IRAK1BP1: variants seen among roughly 807,000 people sequenced by gnomAD.
IRAK1BP1 encodes interleukin 1 receptor associated kinase 1 binding protein 1, also known as interleukin-1 receptor-associated kinase 1-binding protein 1.
In IRAK1BP1, 24 loss-of-function variants were observed where a neutral mutation model predicts 28.0. That is an observed-to-expected ratio of 0.86 (90% confidence interval 0.62 to 1.20). The LOEUF is 1.20. IRAK1BP1 is among the 50% of genes most tolerant of loss of function. The probability of loss-of-function intolerance (pLI) is 0.00; values close to 1 mark genes in which losing one functional copy is unlikely to be tolerated. For synonymous variants in IRAK1BP1, 131 were observed against 116.3 expected (o/e 1.13, Z -0.81); for missense variants, 336 against 316.7 (o/e 1.06, Z -0.46).
chr6:78,957,025 T>C, the IRAK1BP1 span: 2 of 152,040 alleles, frequency 1.3e-5, no homozygotes, highest in African/African-American at 4.8e-5. Context: ...TTGAAGACTA[T>C]CTGCTAAAAA....
chr6:78,966,146 T>C, the IRAK1BP1 span: 1 of 769,234 alleles, frequency 1.3e-6, no homozygotes, highest in Non-Finnish European at 2.3e-6. Context: ...GTACCTAAAC[T>C]GCCTGTATGA....
the IRAK1BP1 span, among the ~76,000 whole-genome samples, chr6:78,962,777 T>G: frequency 4.6e-5 from 7 of 152,274 alleles, no homozygotes; most frequent in South Asian, 1.4e-3. Context: ...TCAATCCTCC[T>G]CCTCCAATTC....
the IRAK1BP1 span, chr6:78,961,538 C>G: frequency 3.1e-6 from 2 of 654,308 alleles, no homozygotes; most frequent in Non-Finnish European, 2.5e-6. Flanking sequence ...CACTCCAAAT[C>G]TACTGAATAA....
At chr6:78,976,221 C>G in the IRAK1BP1 span, among the ~76,000 whole-genome samples, 2 of 148,416 alleles carry the variant, frequency 1.3e-5, no homozygotes, top group Non-Finnish European at 3.0e-5. Flanking sequence ...AATAACGCCG[C>G]ATATCTACAA....
the IRAK1BP1 span, chr6:78,958,424 G>A: frequency 1.8e-6 from 2 of 1,134,024 alleles, no homozygotes; most frequent in African/African-American, 3.1e-5. Context: ...AGGAACTGTA[G>A]TGCCATTAAT....
the IRAK1BP1 span, chr6:78,954,755 T>C: frequency 9.7e-7 from 1 of 1,028,388 alleles, no homozygotes; most frequent in East Asian, 2.8e-5. Flanking sequence ...TAGCCAACTG[T>C]CATGTAAAAG....
downstream of IRAK1BP1, among the ~76,000 whole-genome samples, chr6:78,949,210 A>C (rs772577189): frequency 2.0e-5 from 3 of 152,074 alleles, no homozygotes; most frequent in Non-Finnish European, 4.4e-5. Flanking sequence ...TTAATGTCTC[A>C]CTTCTTCAGA....
rs530851069 is a variant in IRAK1BP1, at chr6:78,912,789, G to A, written c.*67+9679G>A. Among the ~76,000 whole-genome samples the A allele has an allele frequency of 6.6e-5, 10 of 152,158 alleles. 1 individual carries two copies. The highest frequency in any genetic ancestry group is 1.0e-4 in the Non-Finnish European group (7 of 68,010). The stretch of plus-strand genomic sequence containing the variant: ...CTTTGAAATATTACAAATTATTATC[G>A]TATGAAGAGACAAAGAATATGCCAC... On this transcript the variant is annotated intron_variant and NMD_transcript_variant, in intron 4 of 4. Coordinates refer to the IRAK1BP1 transcript ENST00000606868.
At chr6:78,953,344 T>C in the IRAK1BP1 span, among the ~76,000 whole-genome samples, 54 of 152,352 alleles carry the variant, frequency 3.5e-4, no homozygotes, top group African/African-American at 1.3e-3. Flanking sequence ...ATAGTGTTAA[T>C]ACTTGTGCCT....
At chr6:78,906,616 C>A (rs111456687), downstream of IRAK1BP1, among the ~76,000 whole-genome samples, 61 of 152,264 alleles carry the variant, frequency 4.0e-4, no homozygotes, top group African/African-American at 1.4e-3. Flanking sequence ...TATTGACTCA[C>A]ATTCCTCTAC....
At chr6:78,909,530 C>T (rs913431747) in intron 4 of IRAK1BP1, among the ~76,000 whole-genome samples, 1 of 152,148 alleles carries the variant, frequency 6.6e-6, no homozygotes, top group Non-Finnish European at 1.5e-5. Flanking sequence ...TGATTCCAAG[C>T]CGAAAAGCTG....
intron 1 of IRAK1BP1, among the ~76,000 whole-genome samples, chr6:78,882,077 A>G (rs1276334834): frequency 6.6e-6 from 1 of 152,100 alleles, no homozygotes; most frequent in Non-Finnish European, 1.5e-5. Context: ...AGAAGGAATG[A>G]CACCCCAATA....
At chr6:78,871,856 C>T in intron 1 of IRAK1BP1, 1 of 471,358 alleles carries the variant, frequency 2.1e-6, no homozygotes, top group Non-Finnish European at 3.7e-6. Context: ...GCTATTGATA[C>T]CACTACTTGT....
At chr6:78,954,950 C>T in the IRAK1BP1 span, 1 of 1,562,112 alleles carries the variant, frequency 6.4e-7, no homozygotes, top group Non-Finnish European at 8.6e-7. Flanking sequence ...TAATCTTCTT[C>T]TAGGCTGATG....
In IRAK1BP1 at chr6:78,911,139, C is replaced by G. The variant is rs996561401; in HGVS notation, c.*67+8029C>G. On this transcript the variant is annotated intron_variant and NMD_transcript_variant, in intron 4 of 4. Transcript: ENST00000606868. ...TTACCTCTTTCCCCTAACTTCCTCT[C>G]AGGCTCCTACTCCATTCCTATCGCG... Among the ~76,000 whole-genome samples the G allele has an allele frequency of 2.6e-5, 4 of 152,246 alleles. No individual in the cohort carries two copies. In the East Asian group the frequency reaches 7.7e-4, roughly 29 times the overall value.
chr6:78,874,428 T>C (rs994215307), intron 1 of IRAK1BP1, among the ~76,000 whole-genome samples: 7 of 152,230 alleles, frequency 4.6e-5, no homozygotes, highest in African/African-American at 1.4e-4. Context: ...TTACTGTTTA[T>C]TGCTATTTGT....
At chr6:78,919,140 C>A (rs1401100712) in intron 4 of IRAK1BP1, among the ~76,000 whole-genome samples, 1 of 152,062 alleles carries the variant, frequency 6.6e-6, no homozygotes, top group Non-Finnish European at 1.5e-5. Context: ...TTAAAAAGTT[C>A]TTTAAAATAA....
At chr6:78,955,481 GT>G in the IRAK1BP1 span, 44,641 of 430,728 alleles carry the variant, frequency 0.1, 986 homozygotes, top group Non-Finnish European at 0.12. Context: ...ACTGCCAGTT[GT>G]TTTTTTTTTT....
chr6:78,875,782 C>T (rs866322584), intron 1 of IRAK1BP1, among the ~76,000 whole-genome samples: 21 of 152,102 alleles, frequency 1.4e-4, no homozygotes, highest in African/African-American at 3.6e-4. Context: ...ACTTGGGCAA[C>T]GGGATCAGTT....
Sources: gnomAD v4.1 joint callset for allele counts (sites outside exome capture counted in the v4.1 genomes callset) on GRCh38, gnomAD v4.1.1 for gene constraint, MANE v1.5 for transcripts, NCBI Gene and HGNC (gene_info 2026-07-23, HGNC 2026-07-21) for gene names.